Variants in BTBD7 observed in about 807,000 individuals in gnomAD.
BTBD7 encodes BTB domain containing 7, also known as BTB/POZ domain-containing protein 7.
Under a neutral mutation model 99.9 loss-of-function variants are expected in BTBD7, and 38 were observed. That is an observed-to-expected ratio of 0.38 (90% CI 0.29 to 0.50). BTBD7 has a LOEUF of 0.50. BTBD7 is among the 20% of genes least tolerant of loss of function. BTBD7 has a pLI of 0.93. For missense variants in BTBD7, 1,170 were observed against 1,394.6 expected (o/e 0.84, Z 2.57); for synonymous variants, 520 against 511.4 (o/e 1.02, Z -0.23).
At chr14:93,252,926 T>TG (rs1038768541) in intron 7 of BTBD7, among the ~76,000 whole-genome samples, 2 of 152,018 alleles carry the variant, frequency 1.3e-5, no homozygotes, top group Non-Finnish European at 2.9e-5. Context: ...CAGGCTCAGG[T>TG]GATTCTCCTA....
intron 3 of BTBD7, among the ~76,000 whole-genome samples, chr14:93,286,749 C>T (rs1232967516): frequency 6.6e-6 from 1 of 152,154 alleles, no homozygotes; most frequent in East Asian, 1.9e-4. Context: ...AATCTCTGAG[C>T]CTCACCACAT....
Position 93,253,762 on chromosome 14 carries a change from G to A in BTBD7, c.1637C>T (p.Pro546Leu). Residue 546 changes from proline (P) to leucine (L), a missense_variant, in exon 7 of 11, where the codon CCA becomes CTA. This residue lies in a region of BTBD7 where 309 missense variants were observed against 342.0 expected (regional missense o/e 0.90). Coordinates refer to ENST00000334746, the MANE Select transcript of BTBD7 (RefSeq NM_001002860.4). ...TTCTGTTGTAGGAAGCATATCTGATGGAGGAGTACTAATCAAGCCTCTTTT... is the reference window on the plus strand; with the variant it reads ...TTCTGTTGTAGGAAGCATATCTGATAGAGGAGTACTAATCAAGCCTCTTTT... ...AMKRGLISTP[P>L]SDMLPTTEGG... 1 of 1,607,910 alleles carries A rather than the reference G, an allele frequency of 6.2e-7. No individual in the cohort carries two copies. Among genetic ancestry groups the A allele is most frequent in the Non-Finnish European group, 8.5e-7 (1 of 1,175,954 alleles).
At chr14:93,322,165 T>C (rs2053277726) in intron 1 of BTBD7, among the ~76,000 whole-genome samples, 2 of 152,166 alleles carry the variant, frequency 1.3e-5, no homozygotes, top group African/African-American at 4.8e-5. Flanking sequence ...AGGCTTGGAG[T>C]GCAGTGGGGT....
At chr14:93,274,761 C>A (rs959182897) in intron 3 of BTBD7, among the ~76,000 whole-genome samples, 17 of 152,136 alleles carry the variant, frequency 1.1e-4, no homozygotes, top group African/African-American at 4.1e-4. Flanking sequence ...GGAACCCAGG[C>A]TAAGAAAGAG....
intron 5 of BTBD7, among the ~76,000 whole-genome samples, chr14:93,259,751 T>C (rs1022777004): frequency 1.3e-5 from 2 of 152,180 alleles, no homozygotes; most frequent in Admixed American, 6.5e-5. Flanking sequence ...CTGGCTAACA[T>C]GGCGAAACCC....
intron 1 of BTBD7, among the ~76,000 whole-genome samples, chr14:93,316,844 T>C (rs967741705): frequency 1.3e-5 from 2 of 152,100 alleles, no homozygotes; most frequent in Non-Finnish European, 2.9e-5. Flanking sequence ...ACATAGACAA[T>C]TGTAATTTGA....
At position 93,237,689 on chromosome 14, in the gene BTBD7, G is replaced by A. The variant is rs528501634; in HGVS notation, c.*4584C>T. ...ATGGTACTCAAAAGAGAAATGTATC[G>A]TTTTACAATGCTTCACACAGACGAA... On this transcript the variant is annotated 3_prime_UTR_variant, in exon 11 of 11. Coordinates refer to ENST00000334746, the MANE Select transcript of BTBD7 (RefSeq NM_001002860.4). The A allele has an allele frequency of 5.9e-5, 9 of 152,714 alleles. No homozygotes were observed. The highest frequency in any genetic ancestry group is 2.1e-4 in the South Asian group (1 of 4,824). 9.5% of individuals were successfully genotyped at this position (152,714 alleles called of 1,614,324 possible).
chr14:93,317,976 T>TGGG (rs2053226349), intron 1 of BTBD7, among the ~76,000 whole-genome samples: 1 of 152,216 alleles, frequency 6.6e-6, no homozygotes, highest in African/African-American at 2.4e-5. Context: ...GCGGCTTCAC[T>TGGG]GGGATAAGAC....
intron 10 of BTBD7, among the ~76,000 whole-genome samples, chr14:93,244,922 T>C (rs1258786923): frequency 6.7e-6 from 1 of 149,316 alleles, no homozygotes; most frequent in Non-Finnish European, 1.5e-5. Flanking sequence ...AGTGGTTTGA[T>C]CACAGCTCAC....
At chr14:93,307,294 C>T (rs2053081634) in intron 1 of BTBD7, among the ~76,000 whole-genome samples, 3 of 152,092 alleles carry the variant, frequency 2.0e-5, no homozygotes, top group South Asian at 4.2e-4. Flanking sequence ...CTAGAGCAGG[C>T]GTGTGCCACC....
intron 1 of BTBD7, among the ~76,000 whole-genome samples, chr14:93,322,869 T>C (rs961594604): frequency 6.6e-6 from 1 of 152,208 alleles, no homozygotes; most frequent in Non-Finnish European, 1.5e-5. Flanking sequence ...ATTCCAGTGC[T>C]TTGGGAAGCC....
intron 5 of BTBD7, among the ~76,000 whole-genome samples, chr14:93,257,568 T>C (rs1401135579): frequency 1.3e-5 from 2 of 152,354 alleles, no homozygotes; most frequent in African/African-American, 2.4e-5. Flanking sequence ...TACAATAAAA[T>C]TATTTTATCA....
At chr14:93,293,819 T>A in intron 3 of BTBD7, 39 bp downstream of exon 3, 1 of 1,560,176 alleles carries the variant, frequency 6.4e-7, no homozygotes, top group Non-Finnish European at 8.6e-7. Context: ...GATCAATACA[T>A]AATTCTATAA....
chr14:93,281,295 C>T (rs2052717271), intron 3 of BTBD7, among the ~76,000 whole-genome samples: 1 of 151,966 alleles, frequency 6.6e-6, no homozygotes, highest in East Asian at 1.9e-4. Flanking sequence ...AGCCGCTGTG[C>T]CCTAATTTTT....
intron 3 of BTBD7, among the ~76,000 whole-genome samples, chr14:93,281,728 G>C (rs2052722218): frequency 6.6e-6 from 1 of 152,116 alleles, no homozygotes; most frequent in Non-Finnish European, 1.5e-5. Context: ...AGATTTGTAA[G>C]GAAAACCATC....
Position 93,238,973 on chromosome 14 carries a change from G to T in BTBD7, c.*3300C>A, listed in dbSNP as rs952037827. 1 of 152,184 alleles carries T rather than the reference G, an allele frequency of 6.6e-6. No individual in the cohort carries two copies. The highest frequency in any genetic ancestry group is 2.4e-5 in the African/African-American group (1 of 41,440). 9.4% of individuals were successfully genotyped at this position (152,184 alleles called of 1,614,324 possible). A position where few individuals can be genotyped will look rare whatever the true frequency, so the allele number is the denominator to read the frequency against. ...TTCTATAAGAAGATTTAAATGTCAAGAATTCACTGAAAAGCCTCAAAGCCT... is the reference window on the plus strand; with the variant it reads ...TTCTATAAGAAGATTTAAATGTCAATAATTCACTGAAAAGCCTCAAAGCCT... On this transcript the variant is annotated 3_prime_UTR_variant, in exon 11 of 11. Transcript: ENST00000334746.
intron 3 of BTBD7, among the ~76,000 whole-genome samples, chr14:93,267,977 A>C (rs1232528512): frequency 9.2e-5 from 14 of 152,194 alleles, no homozygotes; most frequent in Non-Finnish European, 1.9e-4. Context: ...TTATTCAATA[A>C]CTTCATGCTA....
intron 10 of BTBD7, among the ~76,000 whole-genome samples, chr14:93,243,561 G>T (rs1292928423): frequency 6.6e-6 from 1 of 152,172 alleles, no homozygotes; most frequent in Non-Finnish European, 1.5e-5. Context: ...CTTTTGAACA[G>T]AGATACCACT....
chr14:93,302,437 G>A (rs2053016086), intron 1 of BTBD7, among the ~76,000 whole-genome samples: 1 of 152,214 alleles, frequency 6.6e-6, no homozygotes, highest in African/African-American at 2.4e-5. Flanking sequence ...GTACATATCA[G>A]AGGGGACGAC....
Sources: allele counts gnomAD v4.1 joint callset (sites outside exome capture counted in the v4.1 genomes callset), GRCh38; gene constraint gnomAD v4.1.1; regional missense constraint gnomAD v4.1.1; transcripts MANE v1.5; gene names NCBI Gene and HGNC (gene_info 2026-07-23, HGNC 2026-07-21).